The following SLC39A8 variants were observed in gnomAD, a reference collection of about 807,000 sequenced individuals.
The protein encoded by SLC39A8 is solute carrier family 39 member 8, also known as metal cation symporter ZIP8.
Under a neutral mutation model 40.4 loss-of-function variants are expected in SLC39A8, and 15 were observed. The observed-to-expected ratio is 0.37, with a 90% CI of 0.25 to 0.57. SLC39A8 has a LOEUF of 0.57. Among genes scored for constraint, SLC39A8 ranks in the 20% least tolerant of loss-of-function variants. The pLI is 0.75. For missense variants in SLC39A8, 472 were observed against 558.8 expected, an observed-to-expected ratio of 0.84 and a Z score of 1.57; for synonymous variants, 223 against 221.6, an observed-to-expected ratio of 1.01 and a Z score of -0.06.
intron 4 of SLC39A8, among the ~76,000 whole-genome samples, 175 bp from the exon 5 acceptor site, chr4:102,305,286 A>T (rs977880519): frequency 6.6e-6 from 1 of 151,986 alleles, no homozygotes; most frequent in Non-Finnish European, 1.5e-5. Flanking sequence ...TTGAATGACA[A>T]AACTGTATGA....
At chr4:102,320,394 G>GAA (rs1553916694) in intron 2 of SLC39A8, among the ~76,000 whole-genome samples, 6 of 82,042 alleles carry the variant, frequency 7.3e-5, no homozygotes, top group Admixed American at 1.3e-4. Context: ...ATATATATGA[G>GAA]TATATATATA....
chr4:102,332,680 G>T (rs1735515660), intron 2 of SLC39A8, among the ~76,000 whole-genome samples: 1 of 152,196 alleles, frequency 6.6e-6, no homozygotes, highest in Non-Finnish European at 1.5e-5. Flanking sequence ...ATACCCAAAG[G>T]ATTATAAATC....
intron 2 of SLC39A8, among the ~76,000 whole-genome samples, chr4:102,341,916 C>T (rs1295411757): frequency 1.3e-5 from 2 of 152,160 alleles, no homozygotes; most frequent in East Asian, 1.9e-4. Flanking sequence ...ATTCCTGGAC[C>T]TTGAAACAAA....
intron 6 of SLC39A8, among the ~76,000 whole-genome samples, chr4:102,296,155 G>A (rs1733668751): frequency 2.0e-5 from 3 of 152,014 alleles, no homozygotes; most frequent in Non-Finnish European, 4.4e-5. Flanking sequence ...AATTACCTAT[G>A]AGCTTTTAAA....
rs145832202 is a variant in SLC39A8, at chr4:102,280,741, T to C, written c.841-12662A>G. Among the ~76,000 whole-genome samples the C allele has an allele frequency of 7.0e-3, 1,070 of 152,316 alleles. 10 individuals are homozygous for C. The highest frequency in any genetic ancestry group is 0.024 in the African/African-American group (1,015 of 41,580). On this transcript the variant is annotated intron_variant, in intron 6 of 8. Transcript: ENST00000356736. ...CAGTTTCAGGTAAAGCTCAAAACTA[T>C]TTCCAAAACTCTCTTTGCTAATTAA...
At chr4:102,295,784 T>G (rs951116411) in intron 6 of SLC39A8, among the ~76,000 whole-genome samples, 1 of 152,130 alleles carries the variant, frequency 6.6e-6, no homozygotes, top group African/African-American at 2.4e-5. Context: ...GCTGGCCAAA[T>G]GATTAGCTAA....
intron 6 of SLC39A8, among the ~76,000 whole-genome samples, chr4:102,301,248 T>C (rs979637447): frequency 5.9e-5 from 9 of 152,068 alleles, no homozygotes; most frequent in Non-Finnish European, 1.2e-4. Flanking sequence ...CCAGCATTGA[T>C]GTGGGGAAGT....
intron 2 of SLC39A8, among the ~76,000 whole-genome samples, chr4:102,326,336 C>A (rs1217494617): frequency 1.3e-5 from 2 of 152,118 alleles, no homozygotes; most frequent in Non-Finnish European, 2.9e-5. Flanking sequence ...CCGAGGCGGG[C>A]AGATCACAAG....
At chr4:102,292,888 T>C (rs538164540) in intron 6 of SLC39A8, among the ~76,000 whole-genome samples, 2 of 152,192 alleles carry the variant, frequency 1.3e-5, no homozygotes, top group East Asian at 3.9e-4. Context: ...AATCCTGCCT[T>C]GTAGATATTA....
At chr4:102,263,568 T>C (rs1262848221) in intron 8 of SLC39A8, among the ~76,000 whole-genome samples, 1 of 152,200 alleles carries the variant, frequency 6.6e-6, no homozygotes, top group Non-Finnish European at 1.5e-5. Context: ...AGAGTAGTGG[T>C]TGCTAAAGAT....
Position 102,263,063 on chromosome 4 carries a change from C to T in SLC39A8, c.1364G>A (p.Gly455Glu). Reference protein sequence around the residue: ...TAILLITLYAGEIELE With the variant: ...TAILLITLYAEEIELE Reference sequence around the variant, plus strand: ...TTTCTATTACTCCAATTCGATTTCTCCTGCATACAAGGTAATGAGTAGAAT... The same window carrying T: ...TTTCTATTACTCCAATTCGATTTCTTCTGCATACAAGGTAATGAGTAGAAT... The change falls in exon 9 of 9, where the codon GGA becomes GAA. Residue 455 changes from glycine (G) to glutamate (E), a missense_variant. Gly to Glu is a moderately conservative substitution (Grantham distance 98). Transcript: ENST00000356736. 5.0e-6 allele frequency: 8 copies of T among 1,611,128 alleles called. No homozygotes were observed. Among genetic ancestry groups the T allele is most frequent in the Non-Finnish European group, 6.8e-6 (8 of 1,178,322 alleles).
intron 2 of SLC39A8, among the ~76,000 whole-genome samples, chr4:102,321,805 T>A (rs1734978614): frequency 6.6e-6 from 1 of 152,224 alleles, no homozygotes; most frequent in Non-Finnish European, 1.5e-5. Flanking sequence ...GACAAGGATG[T>A]GGCTTCTTCT....
At chr4:102,325,113 G>A (rs1366835024) in intron 2 of SLC39A8, among the ~76,000 whole-genome samples, 3 of 151,570 alleles carry the variant, frequency 2.0e-5, no homozygotes, top group African/African-American at 4.9e-5. Context: ...ATATACACAC[G>A]CTGAATCTCT....
At chr4:102,317,510 A>G (rs532941230) in intron 2 of SLC39A8, among the ~76,000 whole-genome samples, 1 of 152,290 alleles carries the variant, frequency 6.6e-6, no homozygotes, top group South Asian at 2.1e-4. Flanking sequence ...TAATAAACTA[A>G]TGGAGGGAGA....
intron 11 of SLC39A8, among the ~76,000 whole-genome samples, chr4:102,256,160 A>G (rs1311383934): frequency 6.6e-6 from 1 of 152,214 alleles, no homozygotes; most frequent in Non-Finnish European, 1.5e-5. Context: ...ATGACTCCCA[A>G]AGAAAAAACA....
intron 3 of SLC39A8, among the ~76,000 whole-genome samples, chr4:102,315,040 G>C (rs1303635015): frequency 6.6e-6 from 1 of 152,064 alleles, no homozygotes; most frequent in Non-Finnish European, 1.5e-5. Context: ...TATCTCATTG[G>C]TGAAAGTGAC....
At position 102,343,954 on chromosome 4, in the gene SLC39A8, A is replaced by G. The variant is rs138009434; in HGVS notation, c.219+490T>C. On this transcript the variant is annotated intron_variant, in intron 2 of 8. Coordinates refer to ENST00000356736, the MANE Select transcript of SLC39A8 (RefSeq NM_001135146.2). ...GTTTCAGCCCTGAATGCCTCATGTAATGTACACAGGAGCCAGAACTACATT... is the reference window on the plus strand; with the variant it reads ...GTTTCAGCCCTGAATGCCTCATGTAGTGTACACAGGAGCCAGAACTACATT... Among the ~76,000 whole-genome samples, 118 of 152,264 alleles carry G rather than the reference A, an allele frequency of 7.7e-4. 1 individual carries two copies. The East Asian group carries it at 0.021, about 27-fold the overall frequency.
chr4:102,274,986 A>G (rs531144586), intron 6 of SLC39A8, among the ~76,000 whole-genome samples: 50 of 152,314 alleles, frequency 3.3e-4, no homozygotes, highest in African/African-American at 1.1e-3. Flanking sequence ...AGTACCAGCC[A>G]TGGCAAAAAC....
chr4:102,312,384 C>T (rs1253725039), intron 3 of SLC39A8, among the ~76,000 whole-genome samples: 1 of 152,070 alleles, frequency 6.6e-6, no homozygotes, highest in Non-Finnish European at 1.5e-5. Context: ...GATCCCATAA[C>T]TTAGAATTGC....
Sources: allele counts gnomAD v4.1 joint callset (sites outside exome capture counted in the v4.1 genomes callset), GRCh38; gene constraint gnomAD v4.1.1; transcripts MANE v1.5; gene names NCBI Gene and HGNC (gene_info 2026-07-23, HGNC 2026-07-21).